The following CHRM3 variants were observed in gnomAD, a reference collection of about 807,000 sequenced individuals.
The protein encoded by CHRM3 is muscarinic acetylcholine receptor M3.
CHRM3 carries 11 observed loss-of-function variants against 41.8 expected under a neutral mutation model. The ratio of observed to expected loss-of-function variants is 0.26; its 90% CI spans 0.17 to 0.44. CHRM3 has a LOEUF of 0.44. Among genes scored for constraint, CHRM3 ranks in the 20% least tolerant of loss-of-function variants. The probability of loss-of-function intolerance (pLI) is 1.00; values close to 1 mark genes in which losing one functional copy is unlikely to be tolerated. For missense variants in CHRM3, 571 were observed against 745.4 expected (o/e 0.77, Z 2.72); for synonymous variants, 297 against 301.4 (o/e 0.99, Z 0.15).
intron 3 of CHRM3, among the ~76,000 whole-genome samples, chr1:239,572,529 A>G (rs1661920651): frequency 6.6e-6 from 1 of 152,214 alleles, no homozygotes; most frequent in Admixed American, 6.5e-5. Context: ...GCTAATGTCC[A>G]TCACAACTAA....
intron 1 of CHRM3, among the ~76,000 whole-genome samples, chr1:239,466,200 G>T (rs1665716737): frequency 6.6e-6 from 1 of 152,018 alleles, no homozygotes; most frequent in East Asian, 1.9e-4. Context: ...TCACCATGTT[G>T]GCCAGGGTGG....
chr1:239,786,883 T>C (rs186646912), intron 5 of CHRM3, among the ~76,000 whole-genome samples: 9 of 152,282 alleles, frequency 5.9e-5, no homozygotes. Context: ...TGGAAAATCC[T>C]GTAGCGAAAA....
At chr1:239,531,600 A>G (rs973816901) in intron 2 of CHRM3, among the ~76,000 whole-genome samples, 3 of 125,450 alleles carry the variant, frequency 2.4e-5, no homozygotes, top group South Asian at 2.6e-4. Flanking sequence ...CATGTATGCT[A>G]TGTGCTTTGT....
At chr1:239,648,778 G>C (rs990055058) in intron 4 of CHRM3, among the ~76,000 whole-genome samples, 1 of 152,174 alleles carries the variant, frequency 6.6e-6, no homozygotes, top group Non-Finnish European at 1.5e-5. Context: ...ATGCTGACTT[G>C]ATGATAAATT....
chr1:239,642,788 G>T (rs1671323217), intron 4 of CHRM3, among the ~76,000 whole-genome samples: 1 of 152,178 alleles, frequency 6.6e-6, no homozygotes, highest in African/African-American at 2.4e-5. Context: ...TCTCCATCCA[G>T]CTTTGTTCCA....
chr1:239,809,671 A>T (rs1482707531), intron 5 of CHRM3, among the ~76,000 whole-genome samples: 1 of 151,104 alleles, frequency 6.6e-6, no homozygotes, highest in Non-Finnish European at 1.5e-5. Flanking sequence ...CTAATTTTTA[A>T]TTTTTTTTGT....
intron 1 of CHRM3, among the ~76,000 whole-genome samples, chr1:239,483,715 C>G (rs988012622): frequency 1.3e-5 from 2 of 152,118 alleles, no homozygotes; most frequent in Non-Finnish European, 2.9e-5. Flanking sequence ...GAGACAGAGT[C>G]TAAGTAAACA....
At chr1:239,894,599 A>T (rs561733839) in intron 6 of CHRM3, among the ~76,000 whole-genome samples, 40 of 152,002 alleles carry the variant, frequency 2.6e-4, no homozygotes, top group African/African-American at 8.7e-4. Flanking sequence ...TACCTGGCTA[A>T]TTTTTTTGTT....
chr1:239,413,002 C>T (rs984842513), intron 1 of CHRM3, among the ~76,000 whole-genome samples: 2 of 151,438 alleles, frequency 1.3e-5, no homozygotes, highest in African/African-American at 2.4e-5. Flanking sequence ...TGCTTGAACC[C>T]GGGAGGTGGA....
chr1:239,678,715 A>T (rs569111488), intron 5 of CHRM3, among the ~76,000 whole-genome samples: 1 of 152,276 alleles, frequency 6.6e-6, no homozygotes, highest in African/African-American at 2.4e-5. Flanking sequence ...GCTTAGAGAA[A>T]ACTGTGTAAC....
intron 3 of CHRM3, among the ~76,000 whole-genome samples, chr1:239,607,557 A>C (rs1666485080): frequency 6.6e-6 from 1 of 152,220 alleles, no homozygotes; most frequent in South Asian, 2.1e-4. Context: ...AAGTTAAAAA[A>C]AAATAAACAA....
At chr1:239,454,827 A>G (rs1664802830) in intron 1 of CHRM3, among the ~76,000 whole-genome samples, 1 of 152,224 alleles carries the variant, frequency 6.6e-6, no homozygotes, top group Non-Finnish European at 1.5e-5. Context: ...CCGTAGGATT[A>G]TAACAGAGCT....
At chr1:239,496,296 A>G (rs929588968) in intron 2 of CHRM3, among the ~76,000 whole-genome samples, 7 of 152,066 alleles carry the variant, frequency 4.6e-5, no homozygotes, top group African/African-American at 1.7e-4. Context: ...GAGAGGCTAA[A>G]CCAATCGCCT....
At chr1:239,697,308 A>C (rs1050598956) in intron 5 of CHRM3, among the ~76,000 whole-genome samples, 7 of 152,166 alleles carry the variant, frequency 4.6e-5, no homozygotes, top group Admixed American at 3.3e-4. Flanking sequence ...TCCCCGCACA[A>C]GCTCTCTCTT....
intron 5 of CHRM3, among the ~76,000 whole-genome samples, chr1:239,685,536 T>C (rs1490576406): frequency 6.6e-6 from 1 of 152,142 alleles, no homozygotes; most frequent in African/African-American, 2.4e-5. Context: ...CAAAACTGTG[T>C]TCTGGACCAG....
intron 4 of CHRM3, among the ~76,000 whole-genome samples, chr1:239,670,579 C>T (rs113600021): frequency 1.1e-4 from 17 of 152,144 alleles, no homozygotes; most frequent in African/African-American, 4.1e-4. Flanking sequence ...GACATAATCT[C>T]GGCTCACTGC....
intron 5 of CHRM3, among the ~76,000 whole-genome samples, chr1:239,750,594 G>A (rs1665728266): frequency 6.6e-6 from 1 of 152,174 alleles, no homozygotes; most frequent in Non-Finnish European, 1.5e-5. Context: ...AACAGGATGT[G>A]TAAACAGATT....
At chr1:239,750,012 A>T (rs2148568022) in intron 5 of CHRM3, among the ~76,000 whole-genome samples, 1 of 152,364 alleles carries the variant, frequency 6.6e-6, no homozygotes, top group South Asian at 2.1e-4. Flanking sequence ...TTATTCAAAG[A>T]TTGAATGTTC....
chr1:239,737,895 A>C (rs1664519454), intron 5 of CHRM3, among the ~76,000 whole-genome samples: 1 of 152,198 alleles, frequency 6.6e-6, no homozygotes, highest in African/African-American at 2.4e-5. Context: ...GGGCAATTAA[A>C]AAACAAACAA....
Sources: allele counts gnomAD v4.1 joint callset (sites outside exome capture counted in the v4.1 genomes callset), GRCh38; gene constraint gnomAD v4.1.1; transcripts MANE v1.5; gene names NCBI Gene and HGNC (gene_info 2026-07-23, HGNC 2026-07-21).